Variants in CCDC138 observed in about 807,000 individuals in gnomAD.
The protein encoded by CCDC138 is coiled-coil domain-containing protein 138.
CCDC138 carries 66 observed loss-of-function variants against 82.3 expected under a neutral mutation model. That is an observed-to-expected ratio of 0.80 (90% confidence interval 0.66 to 0.98). The LOEUF (loss-of-function observed/expected upper bound fraction) is 0.98. Ranked by LOEUF, CCDC138 falls within the 50% of genes least tolerant of loss-of-function variation. The pLI is 0.00. For synonymous variants in CCDC138, 297 were observed against 265.4 expected (o/e 1.12, Z -1.16); for missense variants, 816 against 758.9 (o/e 1.08, Z -0.88).
rs762397406 is a variant in CCDC138, at chr2:108,804,947, C to G, written c.794C>G (p.Thr265Ser). The G allele has an allele frequency of 1.3e-6, 2 of 1,574,480 alleles. No homozygotes were observed. The highest frequency in any genetic ancestry group is 4.6e-5 in the East Asian group (2 of 43,186). Residue 265 changes from threonine to serine, a missense_variant, in exon 7 of 15, where the codon ACC becomes AGC. Thr to Ser is a moderately conservative substitution (Grantham distance 58, BLOSUM62 1). Coordinates refer to ENST00000295124, the MANE Select transcript of CCDC138 (RefSeq NM_144978.3). The part of the protein sequence containing the change: ...TEVLKEKNKE[T>S]KRLRSSFDAL... ...GTTCTTAAGGAAAAGAATAAAGAAA[C>G]CAAGAGACTGAGGTCCTCTTTTGAT...
At position 108,856,966 on chromosome 2, in the gene CCDC138, A is replaced by G; in HGVS notation, c.1689A>G (p.Glu563=). 1 of 1,581,294 alleles carries G rather than the reference A, an allele frequency of 6.3e-7. No individual in the cohort carries two copies. Among genetic ancestry groups the G allele is most frequent in the Non-Finnish European group, 8.6e-7 (1 of 1,161,854 alleles). ...ATAGTTTGCTCCAGATGACGGTGGA[A>G]TCTAGTAAGTTTTTAAGTTCTATAT... ...VIDSLLQMTV[E]SKSLQPFLEA... Residue 563 remains glutamate (E), a synonymous_variant, in exon 13 of 15, where the codon GAA becomes GAG. Transcript: ENST00000295124.
rs200494112 is a variant in CCDC138, at chr2:108,876,075, A to G, written c.1833-13A>G. ...GTATGTGTAATTAAATAATGTATTC[A>G]TTTTTTTTACAGGAGTAATAAGAAG... On this transcript the variant is annotated splice_polypyrimidine_tract_variant and intron_variant, in intron 14 of 14. Transcript: ENST00000295124. The G allele has an allele frequency of 7.2e-6, 11 of 1,526,718 alleles. No individual in the cohort carries two copies. The highest frequency in any genetic ancestry group is 9.9e-6 in the Non-Finnish European group (11 of 1,105,644). 94.6% of individuals were successfully genotyped at this position (1,526,718 alleles called of 1,614,324 possible).
intron 13 of CCDC138, among the ~76,000 whole-genome samples, chr2:108,860,105 A>G (rs1693308723): frequency 6.6e-6 from 1 of 151,704 alleles, no homozygotes; most frequent in East Asian, 1.9e-4. Context: ...TTCAGCTTGA[A>G]TGTTATTGGT....
In CCDC138 at chr2:108,788,924, G is replaced by T. The variant is rs1461072950; in HGVS notation, c.224G>T (p.Arg75Ile). Residue 75 changes from arginine to isoleucine, a missense_variant, in exon 3 of 15, where the codon AGA becomes ATA. Coordinates refer to ENST00000295124, the MANE Select transcript of CCDC138 (RefSeq NM_144978.3). ...LKYSDESKHC[R>I]TPLGSLFKHV... Reference sequence around the variant, plus strand: ...TATTCTGATGAAAGCAAGCATTGTAGAACACCATTGGGCAGCTTATTCAAG... The same window carrying T: ...TATTCTGATGAAAGCAAGCATTGTATAACACCATTGGGCAGCTTATTCAAG... 6.2e-7 allele frequency: 1 copy of T among 1,614,124 alleles called. No homozygotes were observed. The highest frequency in any genetic ancestry group is 1.1e-5 in the South Asian group (1 of 91,078).
At chr2:108,856,291 A>G (rs1349141987) in intron 12 of CCDC138, among the ~76,000 whole-genome samples, 1 of 50,208 alleles carries the variant, frequency 2.0e-5, no homozygotes, top group African/African-American at 8.1e-5. Context: ...AGCATATTCA[A>G]TCTTCTGAAA....
At chr2:108,840,131 A>C (rs1689212414) in intron 11 of CCDC138, among the ~76,000 whole-genome samples, 1 of 152,058 alleles carries the variant, frequency 6.6e-6, no homozygotes, top group Non-Finnish European at 1.5e-5. Flanking sequence ...TTTCATCTTT[A>C]ACTTGTTAAT....
At chr2:108,831,273 C>A (rs563462635) in intron 10 of CCDC138, among the ~76,000 whole-genome samples, 2 of 152,070 alleles carry the variant, frequency 1.3e-5, no homozygotes, top group Admixed American at 1.3e-4. Flanking sequence ...TGATCTTAAA[C>A]GTTGAAAGGA....
chr2:108,822,757 C>A (rs576172599), intron 10 of CCDC138, among the ~76,000 whole-genome samples: 1 of 152,226 alleles, frequency 6.6e-6, no homozygotes, highest in Admixed American at 6.5e-5. Context: ...CAAAAAAATA[C>A]ATCATACCAA....
At chr2:108,863,536 G>A (rs1693944611) in intron 13 of CCDC138, among the ~76,000 whole-genome samples, 1 of 152,086 alleles carries the variant, frequency 6.6e-6, no homozygotes, top group African/African-American at 2.4e-5. Flanking sequence ...AGCTTTGTTG[G>A]GCATCATCAA....
At chr2:108,848,573 A>G (rs1354779134) in intron 12 of CCDC138, among the ~76,000 whole-genome samples, 1 of 152,214 alleles carries the variant, frequency 6.6e-6, no homozygotes, top group African/African-American at 2.4e-5. Context: ...TAAAAATAAG[A>G]TGTCCCATAT....
At chr2:108,876,024 A>C in intron 14 of CCDC138, 64 bp from the exon 15 acceptor site, 1 of 1,009,286 alleles carries the variant, frequency 9.9e-7, no homozygotes, top group Non-Finnish European at 1.5e-6. Context: ...ATTATCTGTC[A>C]GTGTCATTGC....
intron 10 of CCDC138, among the ~76,000 whole-genome samples, chr2:108,831,786 G>A (rs542152777): frequency 1.3e-4 from 19 of 150,172 alleles, no homozygotes; most frequent in African/African-American, 2.0e-4. Context: ...AGGCTGGAGC[G>A]CAATGGCATG....
chr2:108,826,026 T>C (rs1453486127), intron 10 of CCDC138, among the ~76,000 whole-genome samples: 1 of 152,254 alleles, frequency 6.6e-6, no homozygotes. Context: ...CATCATTTCA[T>C]GTGCTTGTTG....
At position 108,813,228 on chromosome 2, in the gene CCDC138, G is replaced by A. The variant is rs191198373; in HGVS notation, c.1041+301G>A. Among the ~76,000 whole-genome samples the A allele has an allele frequency of 2.0e-4, 21 of 107,506 alleles. No individual in the cohort carries two copies. The Admixed American group carries it at 2.8e-3, about 14-fold the overall frequency. 70.5% of individuals were successfully genotyped at this position (107,506 alleles called of 152,430 possible). A position where few individuals can be genotyped will look rare whatever the true frequency, so the allele number is the denominator to read the frequency against. On this transcript the variant is annotated intron_variant, in intron 9 of 14. Coordinates refer to ENST00000295124, the MANE Select transcript of CCDC138 (RefSeq NM_144978.3). ...TGCACCACTGCACTCCAGCCTGGGC[G>A]ACAGAGTGAGACTCCGTCTCAAAAA...
At chr2:108,810,057 C>T (rs745676604) in intron 7 of CCDC138, among the ~76,000 whole-genome samples, 13 of 152,176 alleles carry the variant, frequency 8.5e-5, no homozygotes, top group Non-Finnish European at 1.3e-4. Context: ...CCGCCTGCCT[C>T]GGCCTCCCAT....
In CCDC138 at chr2:108,846,723, A is replaced by G. The variant is rs201036575; in HGVS notation, c.1324-15A>G. ...ACATGAATAAATATACTAAGATTGT[A>G]CATATTTTTAACAGCACTCGACTAT... is the stretch of plus-strand genomic sequence containing the variant. On this transcript the variant is annotated splice_polypyrimidine_tract_variant and intron_variant, in intron 11 of 14. Transcript: ENST00000295124. 50 of 1,585,782 alleles carry G rather than the reference A, an allele frequency of 3.2e-5. No individual in the cohort carries two copies. Among genetic ancestry groups the G allele is most frequent in the African/African-American group, 4.1e-5 (3 of 73,174 alleles).
chr2:108,809,913 C>T (rs530093055), intron 7 of CCDC138, among the ~76,000 whole-genome samples: 1 of 152,310 alleles, frequency 6.6e-6, no homozygotes, highest in South Asian at 2.1e-4. Context: ...TCACACAATT[C>T]TCCTGCCTCA....
At chr2:108,862,969 A>G (rs1412481730) in intron 13 of CCDC138, among the ~76,000 whole-genome samples, 3 of 152,212 alleles carry the variant, frequency 2.0e-5, no homozygotes, top group Non-Finnish European at 4.4e-5. Context: ...TAAAGATAAC[A>G]AAGAATCATC....
chr2:108,808,638 G>C (rs1683256935), intron 7 of CCDC138, among the ~76,000 whole-genome samples: 1 of 152,096 alleles, frequency 6.6e-6, no homozygotes, highest in African/African-American at 2.4e-5. Context: ...TCATATACCT[G>C]TTGGCTGTTT....
Sources: allele counts gnomAD v4.1 joint callset (sites outside exome capture counted in the v4.1 genomes callset), GRCh38; gene constraint gnomAD v4.1.1; transcripts MANE v1.5; gene names NCBI Gene and HGNC (gene_info 2026-07-23, HGNC 2026-07-21).